PLA2G4A: variants seen among roughly 807,000 people sequenced by gnomAD.
The protein encoded by PLA2G4A is phospholipase A2 group IVA.
Under a neutral mutation model 81.9 loss-of-function variants are expected in PLA2G4A, and 40 were observed. The ratio of observed to expected loss-of-function variants is 0.49; its 90% CI spans 0.38 to 0.64. The LOEUF (loss-of-function observed/expected upper bound fraction) is 0.64, where lower values mean the gene tolerates loss of function less well. Among genes scored for constraint, PLA2G4A ranks in the 30% least tolerant of loss-of-function variants. PLA2G4A has a pLI of 0.00. For synonymous variants in PLA2G4A, 302 were observed against 296.9 expected, an observed-to-expected ratio of 1.02 and a Z score of -0.18; for missense variants, 715 against 905.1, an observed-to-expected ratio of 0.79 and a Z score of 2.69.
chr1:186,869,053 A>G (rs1008841935), intron 2 of PLA2G4A, among the ~76,000 whole-genome samples: 40 of 144,536 alleles, frequency 2.8e-4, no homozygotes, highest in African/African-American at 1.0e-3. Context: ...TCTAATTTTT[A>G]TTAGTTTTTG....
At chr1:186,957,289 A>T (rs1656786321) in intron 14 of PLA2G4A, among the ~76,000 whole-genome samples, 1 of 152,010 alleles carries the variant, frequency 6.6e-6, no homozygotes, top group Non-Finnish European at 1.5e-5. Flanking sequence ...GTGCTTATAA[A>T]ATCGTTCCAA....
At chr1:186,939,304 A>T in intron 9 of PLA2G4A, 74 bp downstream of exon 9, 1 of 642,256 alleles carries the variant, frequency 1.6e-6, no homozygotes, top group Non-Finnish European at 2.6e-6. Flanking sequence ...ATTTTAAATA[A>T]AAGAAAATGT....
At position 186,956,230 on chromosome 1, in the gene PLA2G4A, G is replaced by C; in HGVS notation, c.1465G>C (p.Val489Leu). ...TACCAGAGAAGGACGTGCTGGGAAG[G>C]TACACAACTTCATGCTGGGCTTGAA... The part of the protein sequence containing the change: ...FNTREGRAGK[V>L]HNFMLGLNLN... Residue 489 changes from valine (V) to leucine (L), a missense_variant, in exon 14 of 18, where the codon GTA (valine) becomes CTA (leucine). By Grantham distance (32) the Val-to-Leu change is conservative. Coordinates refer to ENST00000367466, the MANE Select transcript of PLA2G4A (RefSeq NM_024420.3). 6.2e-7 allele frequency: 1 copy of C among 1,614,066 alleles called. No homozygotes were observed. The highest frequency in any genetic ancestry group is 1.1e-5 in the South Asian group (1 of 91,074).
At chr1:186,872,902 T>C (rs140396215) in intron 3 of PLA2G4A, among the ~76,000 whole-genome samples, 313 of 152,190 alleles carry the variant, frequency 2.1e-3, no homozygotes, top group African/African-American at 7.2e-3. Context: ...GAAGGACCCA[T>C]GGAAGGAATG....
At chr1:186,848,619 C>T (rs1652268280) in intron 1 of PLA2G4A, among the ~76,000 whole-genome samples, 1 of 152,054 alleles carries the variant, frequency 6.6e-6, no homozygotes, top group African/African-American at 2.4e-5. Flanking sequence ...AGAGTTAGCC[C>T]TGAATAGAAT....
chr1:186,859,509 C>A (rs1484728240), intron 2 of PLA2G4A, among the ~76,000 whole-genome samples: 1 of 152,124 alleles, frequency 6.6e-6, no homozygotes, highest in Non-Finnish European at 1.5e-5. Flanking sequence ...ACACCTCTTT[C>A]TGCCACCTAT....
At chr1:186,879,418 A>G (rs59587173) in intron 3 of PLA2G4A, among the ~76,000 whole-genome samples, 4,861 of 152,082 alleles carry the variant, frequency 0.032, 273 homozygotes, top group African/African-American at 0.11. Context: ...GAAAATTACA[A>G]GAAAAATAAT....
intron 1 of PLA2G4A, among the ~76,000 whole-genome samples, chr1:186,842,792 G>A (rs895051333): frequency 3.9e-5 from 6 of 152,166 alleles, no homozygotes; most frequent in African/African-American, 7.2e-5. Flanking sequence ...AGAACTGTAA[G>A]AAAATAAATT....
intron 3 of PLA2G4A, among the ~76,000 whole-genome samples, chr1:186,889,681 TA>T (rs907473329): frequency 7.4e-6 from 1 of 134,330 alleles, no homozygotes; most frequent in Non-Finnish European, 1.7e-5. Flanking sequence ...AACATCTATT[TA>T]AATTTTTTTG....
chr1:186,976,981 A>G (rs1657556986), intron 15 of PLA2G4A, among the ~76,000 whole-genome samples: 2 of 152,096 alleles, frequency 1.3e-5, no homozygotes, highest in South Asian at 2.1e-4. Context: ...CCATCATACA[A>G]TTTGCCACGA....
intron 5 of PLA2G4A, among the ~76,000 whole-genome samples, chr1:186,905,694 C>T (rs1364136600): frequency 1.9e-5 from 2 of 107,596 alleles, no homozygotes. Flanking sequence ...TGCACTCCTC[C>T]TCCTCACACA....
intron 3 of PLA2G4A, among the ~76,000 whole-genome samples, chr1:186,880,516 G>T (rs1427143335): frequency 1.3e-5 from 2 of 151,838 alleles, no homozygotes; most frequent in Admixed American, 1.3e-4. Flanking sequence ...TGTCAAAATC[G>T]GGTATTTCTA....
chr1:186,892,391 T>C (rs910993500), intron 3 of PLA2G4A, among the ~76,000 whole-genome samples: 3 of 152,224 alleles, frequency 2.0e-5, no homozygotes, highest in African/African-American at 7.2e-5. Context: ...CTGGAGATTT[T>C]CCCCAATGTT....
chr1:186,864,592 G>T (rs1209942752), intron 2 of PLA2G4A, among the ~76,000 whole-genome samples: 1 of 151,248 alleles, frequency 6.6e-6, no homozygotes, highest in East Asian at 1.9e-4. Context: ...GGCCATTTGA[G>T]TGTCTTCTTT....
intron 17 of PLA2G4A, among the ~76,000 whole-genome samples, chr1:186,980,834 C>A (rs886723719): frequency 6.6e-6 from 1 of 152,154 alleles, no homozygotes; most frequent in African/African-American, 2.4e-5. Context: ...CTCTAAAATT[C>A]TTTTTTTCAG....
chr1:186,878,355 T>A (rs950614937), intron 3 of PLA2G4A, among the ~76,000 whole-genome samples: 2 of 147,010 alleles, frequency 1.4e-5, no homozygotes, highest in African/African-American at 4.9e-5. Flanking sequence ...TATATATATA[T>A]AAATATATCT....
intron 13 of PLA2G4A, among the ~76,000 whole-genome samples, chr1:186,955,372 A>G (rs150294800): frequency 7.4e-4 from 112 of 152,310 alleles, no homozygotes; most frequent in Non-Finnish European, 1.3e-3. Context: ...TTTGTTAAAC[A>G]GGGTAAGATT....
chr1:186,984,026 T>C (rs1485388368), intron 17 of PLA2G4A, among the ~76,000 whole-genome samples: 2 of 152,242 alleles, frequency 1.3e-5, no homozygotes, highest in Non-Finnish European at 2.9e-5. Flanking sequence ...TTTTGGCTTT[T>C]AATTATAAAC....
intron 3 of PLA2G4A, among the ~76,000 whole-genome samples, chr1:186,892,336 T>C (rs1654174495): frequency 6.6e-6 from 1 of 152,216 alleles, no homozygotes; most frequent in African/African-American, 2.4e-5. Context: ...TGGTTGTCTG[T>C]GCCTGTGTGG....
Sources: gnomAD v4.1 joint callset for allele counts (sites outside exome capture counted in the v4.1 genomes callset) on GRCh38, gnomAD v4.1.1 for gene constraint, MANE v1.5 for transcripts, NCBI Gene and HGNC (gene_info 2026-07-23, HGNC 2026-07-21) for gene names.